The following USP47 variants were observed in gnomAD, a reference collection of about 807,000 sequenced individuals.
USP47 encodes the protein ubiquitin carboxyl-terminal hydrolase 47.
Under a neutral mutation model 165.1 loss-of-function variants are expected in USP47, and 35 were observed. The ratio of observed to expected loss-of-function variants is 0.21; its 90% CI spans 0.16 to 0.28. The LOEUF is 0.28. Ranked by LOEUF, USP47 falls within the 10% of genes least tolerant of loss-of-function variation. USP47 has a pLI of 1.00. For missense variants in USP47, 1,277 were observed against 1,607.4 expected, an observed-to-expected ratio of 0.79 and a Z score of 3.52; for synonymous variants, 531 against 544.5, an observed-to-expected ratio of 0.98 and a Z score of 0.35.
At chr11:11,934,062 C>T in intron 16 of USP47, 127 bp downstream of exon 16, 1 of 678,582 alleles carries the variant, frequency 1.5e-6, no homozygotes, top group Non-Finnish European at 2.5e-6. Context: ...GTTAATTTAT[C>T]TCTTACCGAG....
intron 2 of USP47, among the ~76,000 whole-genome samples, chr11:11,882,941 G>A (rs977710662): frequency 3.3e-5 from 5 of 152,038 alleles, no homozygotes; most frequent in Non-Finnish European, 7.4e-5. Context: ...AGCTATTACT[G>A]TACTCGAGCT....
intron 1 of USP47, among the ~76,000 whole-genome samples, chr11:11,853,968 A>C (rs1848874317): frequency 6.6e-6 from 1 of 151,678 alleles, no homozygotes; most frequent in South Asian, 2.1e-4. Context: ...CTACTAAAAT[A>C]AAATAAAATA....
intron 13 of USP47, 71 bp from the exon 14 acceptor site, chr11:11,930,625 T>C: frequency 8.7e-7 from 1 of 1,144,138 alleles, no homozygotes; most frequent in Non-Finnish European, 1.3e-6. Flanking sequence ...AATTTAAATA[T>C]TTCATGCTTA....
intron 8 of USP47, among the ~76,000 whole-genome samples, chr11:11,916,324 A>G (rs1247018156): frequency 1.3e-5 from 2 of 152,182 alleles, no homozygotes; most frequent in African/African-American, 4.8e-5. Context: ...ATTTTGCATA[A>G]TATATGGGGA....
In USP47 at chr11:11,857,683, A is replaced by G. The variant is rs373134039; in HGVS notation, c.39+15459A>G. On this transcript the variant is annotated intron_variant, in intron 1 of 27. Transcript: ENST00000527733. ...AGGAAAACCCTCACTTTCCATGCCT[A>G]AGTAACAAAAGAGCCGGAGGCTACT... is the stretch of plus-strand genomic sequence containing the variant. 3.9e-5 allele frequency among the ~76,000 whole-genome samples: 6 copies of G among 152,304 alleles called. No homozygotes were observed. In the East Asian group the frequency reaches 1.2e-3, roughly 29 times the overall value.
chr11:11,953,953 G>A (rs10765912), intron 25 of USP47, among the ~76,000 whole-genome samples: 121,566 of 152,048 alleles, frequency 0.8, 49,341 homozygotes, highest in Middle Eastern at 0.95. Context: ...AATTCGATCT[G>A]TAGAAGTATT....
At chr11:11,912,906 AT>A (rs1342806996) in intron 8 of USP47, among the ~76,000 whole-genome samples, 1 of 152,132 alleles carries the variant, frequency 6.6e-6, no homozygotes, top group Non-Finnish European at 1.5e-5. Context: ...AAAAAAGAAA[AT>A]TCATATGATC....
At chr11:11,847,759 C>G (rs1024123380) in intron 1 of USP47, among the ~76,000 whole-genome samples, 1 of 152,146 alleles carries the variant, frequency 6.6e-6, no homozygotes, top group African/African-American at 2.4e-5. Context: ...AAGGCCTTTC[C>G]TTTCTTAACC....
At chr11:11,892,803 A>T (rs1851616319) in intron 4 of USP47, among the ~76,000 whole-genome samples, 1 of 142,920 alleles carries the variant, frequency 7.0e-6, no homozygotes, top group Non-Finnish European at 1.5e-5. Context: ...TGATTGATTG[A>T]GACCCTGTCT....
At chr11:11,943,321 A>G (rs781693277) in intron 20 of USP47, 1 of 404,478 alleles carries the variant, frequency 2.5e-6, no homozygotes. Context: ...TGAGATAAGA[A>G]GTAAAAAAAA....
intron 16 of USP47, among the ~76,000 whole-genome samples, 187 bp from the exon 17 acceptor site, chr11:11,936,116 A>T (rs918983819): frequency 5.3e-5 from 8 of 151,724 alleles, no homozygotes; most frequent in Non-Finnish European, 1.0e-4. Flanking sequence ...ATAATTATTT[A>T]AAAATAACAT....
At chr11:11,877,691 T>C (rs1410259928) in intron 1 of USP47, among the ~76,000 whole-genome samples, 1 of 152,018 alleles carries the variant, frequency 6.6e-6, no homozygotes, top group African/African-American at 2.4e-5. Context: ...GATTGCATGA[T>C]ATAAGAAAGA....
intron 14 of USP47, 135 bp from the exon 15 acceptor site, chr11:11,932,869 G>C: frequency 1.6e-6 from 1 of 631,498 alleles, no homozygotes; most frequent in East Asian, 2.8e-5. Flanking sequence ...TCCAAGTTGA[G>C]AGAAGGATGT....
At chr11:11,846,883 G>A (rs1848457394) in intron 1 of USP47, among the ~76,000 whole-genome samples, 1 of 152,028 alleles carries the variant, frequency 6.6e-6, no homozygotes, top group African/African-American at 2.4e-5. Context: ...CTTTTAAAAT[G>A]AGGCTTTTTC....
intron 1 of USP47, among the ~76,000 whole-genome samples, chr11:11,878,039 C>T (rs1480488143): frequency 2.0e-5 from 3 of 151,882 alleles, no homozygotes; most frequent in Non-Finnish European, 2.9e-5. Context: ...ATAAGCCACA[C>T]ATGAGATTGA....
chr11:11,889,098 T>A (rs1035678392), intron 3 of USP47, among the ~76,000 whole-genome samples: 6 of 152,156 alleles, frequency 3.9e-5, no homozygotes, highest in African/African-American at 9.7e-5. Context: ...AATATCAACC[T>A]GAATGGGCAA....
intron 19 of USP47, among the ~76,000 whole-genome samples, chr11:11,941,680 A>T (rs1333714235): frequency 6.6e-6 from 1 of 152,098 alleles, no homozygotes; most frequent in Admixed American, 6.6e-5. Context: ...TCTATAGATA[A>T]TATGAACATA....
chr11:11,944,828 A>G (rs950711175), intron 20 of USP47, among the ~76,000 whole-genome samples: 1 of 152,172 alleles, frequency 6.6e-6, no homozygotes, highest in Non-Finnish European at 1.5e-5. Context: ...TCTTTAGTAG[A>G]AGGTTGGAAA....
chr11:11,916,084 G>C (rs1027979307), intron 8 of USP47, among the ~76,000 whole-genome samples: 1 of 152,148 alleles, frequency 6.6e-6, no homozygotes, highest in African/African-American at 2.4e-5. Context: ...AACCCGTATT[G>C]TTTTTGATTG....
Sources: allele counts gnomAD v4.1 joint callset (sites outside exome capture counted in the v4.1 genomes callset), GRCh38; gene constraint gnomAD v4.1.1; transcripts MANE v1.5; gene names NCBI Gene and HGNC (gene_info 2026-07-23, HGNC 2026-07-21).